RIMKLB: variants seen among roughly 807,000 people sequenced by gnomAD.
RIMKLB encodes ribosomal modification protein rimK like family member B, also known as beta-citrylglutamate synthase B.
RIMKLB carries 7 observed loss-of-function variants against 32.0 expected under a neutral mutation model. The ratio of observed to expected loss-of-function variants is 0.22; its 90% confidence interval spans 0.12 to 0.41. RIMKLB has a LOEUF of 0.41. Among genes scored for constraint, RIMKLB ranks in the 10% least tolerant of loss-of-function variants. The probability of loss-of-function intolerance (pLI) is 1.00; values close to 1 mark genes in which losing one functional copy is unlikely to be tolerated. For missense variants in RIMKLB, 289 were observed against 498.7 expected, an observed-to-expected ratio of 0.58 and a Z score of 4.00; for synonymous variants, 172 against 185.1, an observed-to-expected ratio of 0.93 and a Z score of 0.57.
chr12:8,725,371 C>T (rs909281074), intron 2 of RIMKLB, among the ~76,000 whole-genome samples: 5 of 151,690 alleles, frequency 3.3e-5, no homozygotes, highest in South Asian at 2.1e-4. Context: ...TCCACCTCCC[C>T]GGTTCCAGCG....
Position 8,754,052 on chromosome 12 carries a change from G to A in RIMKLB, c.656G>A (p.Arg219His). 1.2e-6 allele frequency: 2 copies of A among 1,614,074 alleles called. No homozygotes were observed. Among genetic ancestry groups the A allele is most frequent in the South Asian group, 1.1e-5 (1 of 91,066 alleles). Residue 219 changes from arginine to histidine, a missense_variant, in exon 5 of 6, where the codon CGT becomes CAT. Physicochemically the swap from Arg to His is conservative, Grantham distance 29. Transcript: ENST00000535829. ...VGGRVVGTMLRCSTDGRMQSN... is the reference protein window; with the variant it reads ...VGGRVVGTMLHCSTDGRMQSN... Reference sequence around the variant, plus strand: ...GGCCGTGTGGTTGGCACCATGTTACGTTGTTCAACAGATGGGAGAATGCAA... The same window carrying A: ...GGCCGTGTGGTTGGCACCATGTTACATTGTTCAACAGATGGGAGAATGCAA...
At position 8,715,949 on chromosome 12, in the gene RIMKLB, TGTAA is replaced by T. The variant is rs751344149; in HGVS notation, c.175+1911_175+1914del. Among the ~76,000 whole-genome samples, 765 of 152,324 alleles carry T rather than the reference TGTAA, an allele frequency of 5.0e-3. 3 individuals are homozygous for T. Among genetic ancestry groups the T allele is most frequent in the African/African-American group, 0.018 (729 of 41,570 alleles). On this transcript the variant is annotated intron_variant, in intron 2 of 5. Coordinates refer to ENST00000535829, the MANE Select transcript of RIMKLB (RefSeq NM_001297776.2). ...TGTTCAACTTACACAGCTTTTTCAG[TGTAA>T]GTGTGTATGTACAGTTATTATTGAA...
intron 3 of RIMKLB, among the ~76,000 whole-genome samples, chr12:8,751,545 T>G (rs1235990109): frequency 6.6e-6 from 1 of 152,154 alleles, no homozygotes; most frequent in Non-Finnish European, 1.5e-5. Context: ...AATGTGTCAG[T>G]GTGTGCAGCA....
At chr12:8,723,434 A>G (rs1187141282) in intron 2 of RIMKLB, among the ~76,000 whole-genome samples, 3 of 152,226 alleles carry the variant, frequency 2.0e-5, no homozygotes, top group Admixed American at 2.0e-4. Flanking sequence ...TCAAAATGGA[A>G]GTTTGAAATA....
chr12:8,727,614 C>T (rs956889027), intron 2 of RIMKLB, among the ~76,000 whole-genome samples: 1 of 152,190 alleles, frequency 6.6e-6, no homozygotes, highest in Non-Finnish European at 1.5e-5. Context: ...GATCAAACAT[C>T]TAGTGTTTTT....
intron 2 of RIMKLB, among the ~76,000 whole-genome samples, chr12:8,734,441 T>A (rs776803055): frequency 1.8e-4 from 28 of 152,220 alleles, no homozygotes; most frequent in Non-Finnish European, 3.2e-4. Context: ...TATGTTCTTA[T>A]GAGCAGGAAG....
chr12:8,699,834 CAG>C (rs1943231829), intron 1 of RIMKLB: 1 of 152,250 alleles, frequency 6.6e-6, no homozygotes, highest in South Asian at 2.1e-4. Flanking sequence ...ATTCTGAGAA[CAG>C]AGCCAAGAAG....
intron 1 of RIMKLB, among the ~76,000 whole-genome samples, chr12:8,707,035 T>C (rs1943941473): frequency 6.6e-6 from 1 of 152,158 alleles, no homozygotes; most frequent in Non-Finnish European, 1.5e-5. Flanking sequence ...ACCTAAAATT[T>C]AATGAGAGAG....
rs764734059 is a variant in RIMKLB, at chr12:8,759,527, C to T, written c.697+5434C>T. ...TAATTTGTATTTTTCTCACCATGAACGATGAGAGAATCTTTTCATAGTTTA... is the reference window on the plus strand; with the variant it reads ...TAATTTGTATTTTTCTCACCATGAATGATGAGAGAATCTTTTCATAGTTTA... On this transcript the variant is annotated intron_variant, in intron 5 of 5. Coordinates refer to ENST00000535829, the MANE Select transcript of RIMKLB (RefSeq NM_001297776.2). Among the ~76,000 whole-genome samples, 5 of 152,244 alleles carry T rather than the reference C, an allele frequency of 3.3e-5. No individual in the cohort carries two copies. In the South Asian group the frequency reaches 6.2e-4, roughly 19 times the overall value.
intron 1 of RIMKLB, among the ~76,000 whole-genome samples, chr12:8,701,966 A>T (rs1260087913): frequency 2.0e-5 from 3 of 151,866 alleles, no homozygotes; most frequent in Non-Finnish European, 4.4e-5. Flanking sequence ...AGACTGTACC[A>T]CTGCACTCAA....
At chr12:8,748,155 G>T (rs1238943564) in intron 2 of RIMKLB, among the ~76,000 whole-genome samples, 1 of 152,204 alleles carries the variant, frequency 6.6e-6, no homozygotes, top group Non-Finnish European at 1.5e-5. Context: ...ATGTTGTATG[G>T]AAGGTGAATA....
At chr12:8,682,758 G>A (rs1446613770) in intron 1 of RIMKLB, among the ~76,000 whole-genome samples, 1 of 148,668 alleles carries the variant, frequency 6.7e-6, no homozygotes, top group Non-Finnish European at 1.5e-5. Flanking sequence ...GGGGGAGGGA[G>A]CGAGATTCCG....
intron 1 of RIMKLB, among the ~76,000 whole-genome samples, chr12:8,708,926 G>A (rs762233461): frequency 5.9e-5 from 9 of 152,284 alleles, no homozygotes; most frequent in East Asian, 5.8e-4. Flanking sequence ...ACTTTTGTCA[G>A]TAGTATTTAT....
chr12:8,701,238 C>T (rs752498776), intron 1 of RIMKLB, among the ~76,000 whole-genome samples: 3 of 152,006 alleles, frequency 2.0e-5, no homozygotes, highest in Non-Finnish European at 2.9e-5. Context: ...TTAATTGTCT[C>T]GGAATTTTCT....
rs150090959 is a variant in RIMKLB at position 8,755,252 on chromosome 12, C to T, written c.697+1159C>T. Among the ~76,000 whole-genome samples the T allele has an allele frequency of 1.1e-4, 16 of 151,584 alleles. No individual in the cohort carries two copies. The East Asian group carries it at 1.7e-3, about 17-fold the overall frequency. On this transcript the variant is annotated intron_variant, in intron 5 of 5. Transcript: ENST00000535829. The stretch of plus-strand genomic sequence containing the variant: ...AGGCATGAGCCACCACACCCAGCGC[C>T]GGGCTAATTTTTTACATTTTTTTTT...
rs1219468168 is a variant in RIMKLB at position 8,776,534 on chromosome 12, T to C, written c.*2750T>C. Reference sequence around the variant, plus strand: ...AAATCTGAATTGTAAAATTTTTGTATATTGTTAAAATTGTAATTCTAAATT... The same window carrying C: ...AAATCTGAATTGTAAAATTTTTGTACATTGTTAAAATTGTAATTCTAAATT... On this transcript the variant is annotated 3_prime_UTR_variant, in exon 6 of 6. Coordinates refer to ENST00000535829, the MANE Select transcript of RIMKLB (RefSeq NM_001297776.2). 6 of 768,908 alleles carry C rather than the reference T, an allele frequency of 7.8e-6. No homozygotes were observed. The highest frequency in any genetic ancestry group is 7.9e-6 in the Non-Finnish European group (5 of 632,876). 47.6% of individuals were successfully genotyped at this position (768,908 alleles called of 1,614,324 possible).
At position 8,777,025 on chromosome 12, in the gene RIMKLB, A is replaced by G; in HGVS notation, c.*3241A>G. On this transcript the variant is annotated 3_prime_UTR_variant, in exon 6 of 6. Transcript: ENST00000535829. ...CTTTTTTTGAGAAGGTTTATGGGCTATTTGGCTGGTGAGACACGATCCCCT... is the reference window on the plus strand; with the variant it reads ...CTTTTTTTGAGAAGGTTTATGGGCTGTTTGGCTGGTGAGACACGATCCCCT... 2.0e-6 allele frequency: 2 copies of G among 985,804 alleles called. No homozygotes were observed. Among genetic ancestry groups the G allele is most frequent in the South Asian group, 4.7e-5 (1 of 21,284 alleles). The allele number at this position is 985,804 out of a possible 1,614,324, so 61.1% of individuals were successfully genotyped here.
chr12:8,781,088 C>G (rs1390059961), downstream of RIMKLB, among the ~76,000 whole-genome samples: 2 of 152,312 alleles, frequency 1.3e-5, no homozygotes, highest in Non-Finnish European at 2.9e-5. Flanking sequence ...CGCCTGTAAT[C>G]CTAACACTTT....
In RIMKLB at chr12:8,749,925, C is replaced by G; in HGVS notation, c.239C>G (p.Thr80Ser). The G allele has an allele frequency of 6.2e-7, 1 of 1,613,758 alleles. No homozygotes were observed. The highest frequency in any genetic ancestry group is 8.5e-7 in the Non-Finnish European group (1 of 1,179,730). Residue 80 changes from threonine (T) to serine (S), a missense_variant, in exon 3 of 6, where the codon ACC (threonine) becomes AGC (serine). Physicochemically the swap from Thr to Ser is moderately conservative, Grantham distance 58. This residue lies in a region of RIMKLB where 156 missense variants were observed against 329.5 expected (regional missense o/e 0.47). Transcript: ENST00000535829. ...YPQVVVVRVP[T>S]PWVQSDSDIT... is the part of the protein sequence containing the mutation. The stretch of plus-strand genomic sequence containing the variant: ...CAAGTGGTGGTAGTCAGAGTACCAA[C>G]CCCTTGGGTGCAAAGTGATAGTGAC...
Sources: allele counts gnomAD v4.1 joint callset (sites outside exome capture counted in the v4.1 genomes callset), GRCh38; gene constraint gnomAD v4.1.1; regional missense constraint gnomAD v4.1.1; transcripts MANE v1.5; gene names NCBI Gene and HGNC (gene_info 2026-07-23, HGNC 2026-07-21).